Variants in ARHGEF1 observed in about 807,000 individuals in gnomAD.
ARHGEF1 encodes the protein 115 kDa guanine nucleotide exchange factor.
A neutral mutation model predicts 119.7 loss-of-function variants in ARHGEF1; 40 were observed. The observed-to-expected ratio is 0.33, with a 90% CI of 0.26 to 0.44. ARHGEF1 has a LOEUF of 0.44. ARHGEF1 is among the 20% of genes least tolerant of loss of function. The probability of loss-of-function intolerance (pLI) is 1.00; values close to 1 mark genes in which losing one functional copy is unlikely to be tolerated. For synonymous variants in ARHGEF1, 494 were observed against 521.0 expected (o/e 0.95, Z 0.71); for missense variants, 976 against 1,268.3 (o/e 0.77, Z 3.50).
Position 41,903,032 on chromosome 19 carries a change from C to T in ARHGEF1, c.1738+134C>T. On this transcript the variant is annotated intron_variant, in intron 18 of 28. Coordinates refer to ENST00000354532, the MANE Select transcript of ARHGEF1 (RefSeq NM_004706.4). This position sits in a 1 kb window ranked among gnomAD's most constrained non-coding sequence, Gnocchi z 4.2. ...CTCCCAGGATCTACCATCCTCCCACCTCAGCTCCCCAAGTAGCTGGGACCC... is the reference window on the plus strand; with the variant it reads ...CTCCCAGGATCTACCATCCTCCCACTTCAGCTCCCCAAGTAGCTGGGACCC... The T allele has an allele frequency of 1.3e-6, 1 of 778,034 alleles. No individual in the cohort carries two copies. The highest frequency in any genetic ancestry group is 2.0e-6 in the Non-Finnish European group (1 of 497,816). 48.2% of individuals were successfully genotyped at this position (778,034 alleles called of 1,614,324 possible).
rs1166366625 is a variant in ARHGEF1, at chr19:41,892,665, C to T, written c.430C>T (p.Gln144Ter). 6.2e-7 allele frequency: 1 copy of T among 1,613,450 alleles called. No homozygotes were observed. The highest frequency in any genetic ancestry group is 8.5e-7 in the Non-Finnish European group (1 of 1,179,808). Residue 144 changes from glutamine (Q) to a stop codon, truncating the protein, a stop_gained, in exon 7 of 29, where the codon CAA becomes TAA. Transcript: ENST00000354532. LOFTEE classifies it high-confidence loss of function. This position sits in a 1 kb window ranked among gnomAD's most constrained non-coding sequence, Gnocchi z 6.3. ...VQRRFVQEVV[Q>*]SQQVAVGRQL... Reference sequence around the variant, plus strand: ...GCGGCGGTTCGTGCAGGAGGTGGTGCAAAGCCAGCAGGTAGCCGTGGGCCG... The same window carrying T: ...GCGGCGGTTCGTGCAGGAGGTGGTGTAAAGCCAGCAGGTAGCCGTGGGCCG...
At chr19:41,898,740 A>G (rs1568819494) in intron 14 of ARHGEF1, among the ~76,000 whole-genome samples, 153 bp downstream of exon 14, 1 of 152,230 alleles carries the variant, frequency 6.6e-6, no homozygotes, top group Non-Finnish European at 1.5e-5. Flanking sequence ...CCAAGTTCAG[A>G]TTGTTTCAAC....
downstream of ARHGEF1, among the ~76,000 whole-genome samples, chr19:41,910,724 T>C (rs1416518462): frequency 2.0e-5 from 3 of 152,166 alleles, no homozygotes; most frequent in Non-Finnish European, 4.4e-5. This position sits in a 1 kb window ranked among gnomAD's most constrained non-coding sequence, Gnocchi z 4.4. Context: ...ACGATGTGTG[T>C]GTGTGCGTGG....
chr19:41,911,458 C>T (rs1042525610), downstream of ARHGEF1, among the ~76,000 whole-genome samples: 24 of 152,180 alleles, frequency 1.6e-4, no homozygotes, highest in Admixed American at 1.0e-3. Flanking sequence ...TGTGTGATTA[C>T]GGGCAGGTCC....
rs202012713 is a variant in ARHGEF1 at position 41,894,238 on chromosome 19, A to C, written c.676A>C (p.Met226Leu). The part of the protein sequence containing the change: ...AAVVNAIGLY[M>L]RHLGVRTKSG... The stretch of plus-strand genomic sequence containing the variant: ...CGTGGTCAACGCCATTGGCCTGTAC[A>C]TGCGCCACCTTGGGGTGCGGACCAA... Residue 226 changes from methionine to leucine, a missense_variant, in exon 9 of 29, where the codon ATG becomes CTG. Coordinates refer to ENST00000354532, the MANE Select transcript of ARHGEF1 (RefSeq NM_004706.4). The C allele has an allele frequency of 4.5e-6, 7 of 1,558,100 alleles. No individual in the cohort carries two copies. Among genetic ancestry groups the C allele is most frequent in the Non-Finnish European group, 6.1e-6 (7 of 1,150,222 alleles).
chr19:41,923,977 G>A (rs1163350365), intron 1 of ARHGEF1, among the ~76,000 whole-genome samples: 3 of 99,722 alleles, frequency 3.0e-5, no homozygotes, highest in South Asian at 7.9e-4. Flanking sequence ...AGGTAGGGGT[G>A]CGCTGGGAGG....
At chr19:41,911,419 G>A (rs1392808941), downstream of ARHGEF1, among the ~76,000 whole-genome samples, 2 of 152,198 alleles carry the variant, frequency 1.3e-5, no homozygotes, top group African/African-American at 2.4e-5. Flanking sequence ...GCCAGGGCAG[G>A]GGAGACCAGC....
downstream of ARHGEF1, among the ~76,000 whole-genome samples, chr19:41,910,262 C>T (rs1338609154): frequency 6.6e-6 from 1 of 152,076 alleles, no homozygotes; most frequent in Non-Finnish European, 1.5e-5. The surrounding 1 kb of genome is among the most constrained non-coding windows in gnomAD (Gnocchi z 4.4). Flanking sequence ...GTGTCTGGTC[C>T]CCAAATTACC....
Position 41,893,314 on chromosome 19 carries a change from C to CA in ARHGEF1, c.644+12dup. The CA allele has an allele frequency of 6.3e-7, 1 of 1,599,834 alleles. No homozygotes were observed. Among genetic ancestry groups the CA allele is most frequent in the South Asian group, 1.1e-5 (1 of 89,416 alleles). ...CGACGAAGAAAAGAGGTGAGGGGGG[C>CA]AGGGGAGGCGTGCGGCCTCCTGGGT... On this transcript the variant is annotated intron_variant, in intron 8 of 28. Coordinates refer to ENST00000354532, the MANE Select transcript of ARHGEF1 (RefSeq NM_004706.4).
rs1265248363 is a variant in ARHGEF1 at position 41,907,295 on chromosome 19, G to A, written c.*208G>A. On this transcript the variant is annotated 3_prime_UTR_variant, in exon 29 of 29. Transcript: ENST00000354532. ...TCTCTCCCTCCTGCCCTCTGCTTGG[G>A]GGACTCAGGGCTCCATTCTGGAGGG... The A allele has an allele frequency of 2.0e-6, 3 of 1,531,804 alleles. No individual in the cohort carries two copies. In the East Asian group the frequency reaches 7.4e-5, roughly 38 times the overall value. The allele number at this position is 1,531,804 out of a possible 1,614,324, so 94.9% of individuals were successfully genotyped here. A position where few individuals can be genotyped will look rare whatever the true frequency, so the allele number is the denominator to read the frequency against.
intron 1 of ARHGEF1, chr19:41,884,547 C>T: frequency 6.3e-7 from 1 of 1,596,592 alleles, no homozygotes; most frequent in East Asian, 2.2e-5. Flanking sequence ...ACGTCCTCCC[C>T]GGCATCCCTG....
chr19:41,907,471 C>G, downstream of ARHGEF1: 10 of 1,442,394 alleles, frequency 6.9e-6, no homozygotes, highest in Non-Finnish European at 9.2e-6. Context: ...TGTGTGATGG[C>G]GGGGTGGGGC....
At chr19:41,896,589 C>A in intron 13 of ARHGEF1, 107 bp downstream of exon 13, 1 of 863,548 alleles carries the variant, frequency 1.2e-6, no homozygotes, top group Non-Finnish European at 1.9e-6. Flanking sequence ...GGCTCTTGCT[C>A]CCCATGCTCC....
In ARHGEF1 at chr19:41,917,154, G is replaced by T. The variant is rs915314568; in HGVS notation, c.1866-5938G>T. Among the ~76,000 whole-genome samples, 2 of 152,098 alleles carry T rather than the reference G, an allele frequency of 1.3e-5. 1 individual carries two copies. Among genetic ancestry groups the T allele is most frequent in the South Asian group, 4.1e-4 (2 of 4,824 alleles). On this transcript the variant is annotated intron_variant, in intron 18 of 20. Coordinates refer to the ARHGEF1 transcript ENST00000599589. The surrounding 1 kb of genome is among the most constrained non-coding windows in gnomAD (Gnocchi z 4.8). ...TTTCTGTCTGTCTCTGTCACTGAGG[G>T]TCTCTGTCTGTCTCTGTCAGAGAGG...
intron 13 of ARHGEF1, chr19:41,897,425 T>C (rs781796851): frequency 1.1e-6 from 1 of 891,472 alleles, no homozygotes; most frequent in Non-Finnish European, 1.4e-6. Context: ...CTTCACTCCC[T>C]GTGAGGGGTG....
intron 13 of ARHGEF1, chr19:41,897,394 TC>T: frequency 9.2e-7 from 1 of 1,087,962 alleles, no homozygotes; most frequent in Non-Finnish European, 1.2e-6. Flanking sequence ...CCCTCCCCTC[TC>T]CCCATGGCCA....
chr19:41,903,357 G>C lies in ARHGEF1; in HGVS notation c.1789G>C (p.Glu597Gln), dbSNP rs2145854299. The part of the protein sequence containing the change: ...KVELAAECCR[E>Q]ILHHVNQAVR... ...GGAGCTGGCAGCCGAGTGCTGCCGG[G>C]AAATTCTACACCACGTCAACCAAGC... The change falls in exon 19 of 29, where the codon GAA becomes CAA. Residue 597 changes from glutamate to glutamine, a missense_variant. By Grantham distance (29) the Glu-to-Gln change is conservative. This residue lies in a region of ARHGEF1 where 286 missense variants were observed against 506.8 expected (regional missense o/e 0.56). Coordinates refer to ENST00000354532, the MANE Select transcript of ARHGEF1 (RefSeq NM_004706.4). This position sits in a 1 kb window ranked among gnomAD's most constrained non-coding sequence, Gnocchi z 4.2. The C allele has an allele frequency of 1.9e-6, 3 of 1,613,968 alleles. No homozygotes were observed. Among genetic ancestry groups the C allele is most frequent in the Non-Finnish European group, 2.5e-6 (3 of 1,180,030 alleles).
intron 1 of ARHGEF1, 108 bp from the exon 2 acceptor site, chr19:41,887,956 T>C (rs1336904465): frequency 5.6e-6 from 7 of 1,251,690 alleles, no homozygotes; most frequent in Non-Finnish European, 7.7e-6. Flanking sequence ...GAGGCTGGGA[T>C]GGGGGAGGCT....
intron 18 of ARHGEF1, among the ~76,000 whole-genome samples, chr19:41,912,494 C>A (rs927875274): frequency 6.6e-6 from 1 of 152,208 alleles, no homozygotes; most frequent in South Asian, 2.1e-4. Context: ...TGGCCTAGTG[C>A]CCCCTCCAGC....
Sources: allele counts gnomAD v4.1 joint callset (sites outside exome capture counted in the v4.1 genomes callset), GRCh38; gene constraint gnomAD v4.1.1; regional missense constraint gnomAD v4.1.1; non-coding constraint Gnocchi (gnomAD v3.1); transcripts MANE v1.5; gene names NCBI Gene and HGNC (gene_info 2026-07-23, HGNC 2026-07-21).